Variants in STK33 observed in about 807,000 individuals in gnomAD.
The protein encoded by STK33 is serine/threonine kinase 33, also known as serine/threonine-protein kinase 33.
Under a neutral mutation model 58.0 loss-of-function variants are expected in STK33, and 52 were observed. The observed-to-expected ratio is 0.90, with a 90% CI of 0.72 to 1.13. The LOEUF is 1.13. Among genes scored for constraint, STK33 ranks in the 50% most tolerant of loss-of-function variants. STK33 has a pLI of 0.00. For missense variants in STK33, 630 were observed against 604.2 expected (o/e 1.04, Z -0.45); for synonymous variants, 215 against 200.1 (o/e 1.07, Z -0.63).
chr11:8,348,419 G>C, the STK33 span, among the ~76,000 whole-genome samples: 2 of 152,092 alleles, frequency 1.3e-5, no homozygotes, highest in African/African-American at 4.8e-5. Flanking sequence ...AAGCGAAAGG[G>C]GAAGCCCCTT....
chr11:8,579,035 T>C (rs1958377886), intron 1 of STK33, among the ~76,000 whole-genome samples: 1 of 152,118 alleles, frequency 6.6e-6, no homozygotes, highest in Admixed American at 6.6e-5. Context: ...ACTGCAGACT[T>C]GGAAATCACC....
chr11:8,524,921 C>T (rs1236743713), intron 1 of STK33, among the ~76,000 whole-genome samples: 1 of 151,970 alleles, frequency 6.6e-6, no homozygotes, highest in Non-Finnish European at 1.5e-5. Context: ...ATAGCATACA[C>T]TGCAGTGATG....
chr11:8,523,523 C>T (rs868532455), intron 1 of STK33, among the ~76,000 whole-genome samples: 67 of 151,666 alleles, frequency 4.4e-4, no homozygotes, highest in African/African-American at 1.6e-3. Flanking sequence ...GCTGGGCAGC[C>T]GCCCCGTCTG....
At chr11:8,449,158 A>C (rs1308178845) in intron 11 of STK33, among the ~76,000 whole-genome samples, 1 of 151,650 alleles carries the variant, frequency 6.6e-6, no homozygotes, top group Non-Finnish European at 1.5e-5. Flanking sequence ...GATGTGGAGA[A>C]ATAGGAACAC....
chr11:8,452,709 G>T, intron 11 of STK33, 113 bp downstream of exon 11: 2 of 852,040 alleles, frequency 2.3e-6, no homozygotes, highest in Non-Finnish European at 3.8e-6. Context: ...GATGGCTTGA[G>T]CCCAGGAGGT....
At chr11:8,528,289 G>A (rs765572566) in intron 1 of STK33, among the ~76,000 whole-genome samples, 37 of 152,096 alleles carry the variant, frequency 2.4e-4, no homozygotes, top group Non-Finnish European at 4.9e-4. Flanking sequence ...AAAAGTTACC[G>A]TAAGTTGTAC....
At chr11:8,410,473 T>TTC (rs1554905573) in intron 15 of STK33, among the ~76,000 whole-genome samples, 438 of 139,598 alleles carry the variant, frequency 3.1e-3, no homozygotes, top group African/African-American at 0.012. Context: ...TTCTTTTCTT[T>TTC]TTTTTTTTTT....
chr11:8,441,761 T>C (rs1591083011), intron 11 of STK33, among the ~76,000 whole-genome samples: 1 of 152,128 alleles, frequency 6.6e-6, no homozygotes, highest in African/African-American at 2.4e-5. Context: ...AGAAAATAGT[T>C]ATAAGCAGAA....
At chr11:8,582,653 A>G (rs2030602838) in intron 1 of STK33, among the ~76,000 whole-genome samples, 1 of 152,250 alleles carries the variant, frequency 6.6e-6, no homozygotes, top group African/African-American at 2.4e-5. Context: ...TATGGGAATT[A>G]CAATTCAATA....
intron 1 of STK33, among the ~76,000 whole-genome samples, chr11:8,578,606 TCA>T (rs141622141): frequency 6.6e-6 from 1 of 150,786 alleles, no homozygotes. Context: ...TACGTGTAAT[TCA>T]CACACACACA....
At chr11:8,474,553 G>A (rs1269292709) in intron 5 of STK33, 128 bp downstream of exon 5, 21 of 653,604 alleles carry the variant, frequency 3.2e-5, no homozygotes, top group Non-Finnish European at 5.2e-5. Context: ...CTGTGAGAAA[G>A]AAATGTTTAA....
the STK33 span, among the ~76,000 whole-genome samples, chr11:8,344,550 G>C: frequency 6.6e-6 from 1 of 152,224 alleles, no homozygotes; most frequent in Non-Finnish European, 1.5e-5. Flanking sequence ...GAGAGGTTAA[G>C]TAATGTGCTG....
intron 6 of STK33, among the ~76,000 whole-genome samples, chr11:8,468,200 G>C (rs1406291828): frequency 1.3e-5 from 2 of 152,148 alleles, no homozygotes; most frequent in African/African-American, 4.8e-5. Context: ...AGTTTGTGCA[G>C]AGAAACTCCC....
At chr11:8,543,879 C>T (rs1025919925) in intron 1 of STK33, among the ~76,000 whole-genome samples, 2 of 152,048 alleles carry the variant, frequency 1.3e-5, no homozygotes, top group African/African-American at 4.8e-5. Context: ...CTACTATGTA[C>T]TCACAAAAAT....
At chr11:8,511,336 T>C (rs1952304973) in intron 1 of STK33, among the ~76,000 whole-genome samples, 1 of 152,202 alleles carries the variant, frequency 6.6e-6, no homozygotes, top group African/African-American at 2.4e-5. Context: ...ACATTGATTT[T>C]GTATCCTGAG....
intron 14 of STK33, among the ~76,000 whole-genome samples, chr11:8,425,710 T>C (rs1404032140): frequency 1.3e-5 from 2 of 152,156 alleles, no homozygotes; most frequent in African/African-American, 4.8e-5. Flanking sequence ...AATTAGACAA[T>C]ATACCTTTAA....
chr11:8,484,792 C>T (rs1950087442), intron 1 of STK33, among the ~76,000 whole-genome samples: 1 of 152,092 alleles, frequency 6.6e-6, no homozygotes, highest in African/African-American at 2.4e-5. Flanking sequence ...TTTTTGAAAC[C>T]TTGCAATGGA....
chr11:8,445,155 T>A (rs1469087464), intron 11 of STK33, among the ~76,000 whole-genome samples: 1 of 152,224 alleles, frequency 6.6e-6, no homozygotes, highest in Non-Finnish European at 1.5e-5. Context: ...CAACTGTGAA[T>A]GGGAGTTCCC....
intron 11 of STK33, among the ~76,000 whole-genome samples, chr11:8,443,254 A>G (rs921200251): frequency 1.3e-5 from 2 of 152,216 alleles, no homozygotes; most frequent in African/African-American, 4.8e-5. Context: ...ATCACATTTC[A>G]TTTAATAAGC....
Sources: allele counts gnomAD v4.1 joint callset (sites outside exome capture counted in the v4.1 genomes callset), GRCh38; gene constraint gnomAD v4.1.1; transcripts MANE v1.5; gene names NCBI Gene and HGNC (gene_info 2026-07-23, HGNC 2026-07-21).